The following SEMA5A variants were observed in gnomAD, a reference collection of about 807,000 sequenced individuals.
SEMA5A encodes semaphorin 5A, also known as semaphorin-5A.
A neutral mutation model predicts 135.5 loss-of-function variants in SEMA5A; 55 were observed. That is an observed-to-expected ratio of 0.41 (90% CI 0.33 to 0.51). The LOEUF (loss-of-function observed/expected upper bound fraction) is 0.51. Ranked by LOEUF, SEMA5A falls within the 20% of genes least tolerant of loss-of-function variation. SEMA5A has a pLI of 0.37. For missense variants in SEMA5A, 1,290 were observed against 1,419.9 expected, an observed-to-expected ratio of 0.91 and a Z score of 1.47; for synonymous variants, 580 against 546.5, an observed-to-expected ratio of 1.06 and a Z score of -0.85.
intron 8 of SEMA5A, among the ~76,000 whole-genome samples, chr5:9,217,386 T>C (rs1031859876): frequency 6.6e-6 from 1 of 152,222 alleles, no homozygotes; most frequent in African/African-American, 2.4e-5. Flanking sequence ...GTTCCATTTG[T>C]AGGTGACCTG....
intron 1 of SEMA5A, among the ~76,000 whole-genome samples, chr5:9,468,063 A>G (rs1176343953): frequency 6.6e-6 from 1 of 152,120 alleles, no homozygotes; most frequent in Non-Finnish European, 1.5e-5. Context: ...CGTTACTCAC[A>G]TCTTGGTAAC....
At chr5:9,086,696 C>T (rs1475682422) in intron 16 of SEMA5A, among the ~76,000 whole-genome samples, 1 of 152,196 alleles carries the variant, frequency 6.6e-6, no homozygotes, top group African/African-American at 2.4e-5. Flanking sequence ...TCCCAATCTG[C>T]AAGCAGAATA....
At chr5:9,088,244 C>T (rs1356999609) in intron 16 of SEMA5A, among the ~76,000 whole-genome samples, 1 of 144,430 alleles carries the variant, frequency 6.9e-6, no homozygotes, top group Non-Finnish European at 1.5e-5. Context: ...GCAGAGGTTG[C>T]AGTGAGCTGA....
intron 1 of SEMA5A, among the ~76,000 whole-genome samples, chr5:9,525,669 C>A (rs1000350646): frequency 6.6e-6 from 1 of 152,174 alleles, no homozygotes; most frequent in African/African-American, 2.4e-5. Flanking sequence ...CCTCAAAATG[C>A]CCCCATTTGG....
chr5:9,357,318 G>T (rs913653271), intron 3 of SEMA5A, among the ~76,000 whole-genome samples: 2 of 152,162 alleles, frequency 1.3e-5, no homozygotes, highest in Non-Finnish European at 2.9e-5. Context: ...TTAGGAATAT[G>T]AAAGGGGAAA....
At position 9,484,653 on chromosome 5, in the gene SEMA5A, A is replaced by G. The variant is rs555947190; in HGVS notation, c.-174-46801T>C. Among the ~76,000 whole-genome samples, 24 of 152,314 alleles carry G rather than the reference A, an allele frequency of 1.6e-4. No homozygotes were observed. In the South Asian group the frequency reaches 5.0e-3, roughly 32 times the overall value. On this transcript the variant is annotated intron_variant, in intron 1 of 22. Transcript: ENST00000382496. Reference sequence around the variant, plus strand: ...ATAAATGCCATCACAGTTAAATGTTATTTGGATTGTTCATATGCTTAACAT... The same window carrying G: ...ATAAATGCCATCACAGTTAAATGTTGTTTGGATTGTTCATATGCTTAACAT...
At chr5:9,075,378 GTTC>G (rs1425014898) in intron 16 of SEMA5A, among the ~76,000 whole-genome samples, 4 of 151,378 alleles carry the variant, frequency 2.6e-5, no homozygotes, top group Non-Finnish European at 4.4e-5. Context: ...GTACCTGAAT[GTTC>G]ACAAAAGCTT....
intron 1 of SEMA5A, among the ~76,000 whole-genome samples, chr5:9,514,563 C>A (rs559265974): frequency 6.6e-6 from 1 of 152,290 alleles, no homozygotes; most frequent in African/African-American, 2.4e-5. Flanking sequence ...CTATGCATAT[C>A]CTCCCATGTA....
At chr5:9,305,707 C>CGTGTATATATATATATATATATATAT (rs1315889411) in intron 5 of SEMA5A, among the ~76,000 whole-genome samples, 1 of 42,852 alleles carries the variant, frequency 2.3e-5, no homozygotes, top group African/African-American at 5.1e-5. Context: ...TGTGTGTGTG[C>CGTGTATATATATATATATATATATAT]GTATATATAT....
At chr5:9,104,970 CCA>C (rs1197229834) in intron 16 of SEMA5A, among the ~76,000 whole-genome samples, 1 of 152,182 alleles carries the variant, frequency 6.6e-6, no homozygotes, top group Non-Finnish European at 1.5e-5. Flanking sequence ...GCCCCAGGGT[CCA>C]GAGAAGGAAT....
At chr5:9,051,189 T>C (rs1736555781) in intron 20 of SEMA5A, among the ~76,000 whole-genome samples, 1 of 152,234 alleles carries the variant, frequency 6.6e-6, no homozygotes. Flanking sequence ...AAATAGTATC[T>C]TTTGCACAGA....
At chr5:9,052,990 T>C (rs1277563179) in intron 19 of SEMA5A, among the ~76,000 whole-genome samples, 3 of 152,214 alleles carry the variant, frequency 2.0e-5, no homozygotes, top group Admixed American at 6.5e-5. Context: ...TCCTTAGAAA[T>C]GCAGAAAGTG....
At chr5:9,056,760 C>T (rs918542231) in intron 18 of SEMA5A, among the ~76,000 whole-genome samples, 1 of 152,092 alleles carries the variant, frequency 6.6e-6, no homozygotes, top group African/African-American at 2.4e-5. Context: ...TAAGATCTAG[C>T]AATCCCAATC....
intron 11 of SEMA5A, among the ~76,000 whole-genome samples, chr5:9,183,256 C>T (rs1429188128): frequency 2.0e-5 from 3 of 152,170 alleles, no homozygotes; most frequent in Non-Finnish European, 4.4e-5. Flanking sequence ...GAAGCCTGCC[C>T]TTGGACAGCC....
chr5:9,405,755 G>A (rs746339750), intron 2 of SEMA5A, among the ~76,000 whole-genome samples: 5 of 152,098 alleles, frequency 3.3e-5, no homozygotes, highest in African/African-American at 4.8e-5. Context: ...TTAAATGGAG[G>A]GACTTCGAAT....
At chr5:9,426,593 C>T (rs1421758643) in intron 2 of SEMA5A, among the ~76,000 whole-genome samples, 1 of 151,974 alleles carries the variant, frequency 6.6e-6, no homozygotes, top group Non-Finnish European at 1.5e-5. Flanking sequence ...TGGAGGTGAC[C>T]CAGGATTAGC....
intron 5 of SEMA5A, among the ~76,000 whole-genome samples, chr5:9,238,808 T>C (rs1238466173): frequency 6.6e-6 from 1 of 152,098 alleles, no homozygotes; most frequent in Non-Finnish European, 1.5e-5. Context: ...TCTATTTTAC[T>C]ATTAAAATTG....
chr5:9,212,029 G>T (rs1806041), intron 8 of SEMA5A, among the ~76,000 whole-genome samples: 4,476 of 152,222 alleles, frequency 0.029, 235 homozygotes, highest in African/African-American at 0.1. Context: ...AAAGCCAGCT[G>T]GTCTCTGAGT....
intron 11 of SEMA5A, among the ~76,000 whole-genome samples, chr5:9,178,331 C>CTTTTTTT (rs5865809): frequency 8.1e-5 from 10 of 123,600 alleles, no homozygotes; most frequent in African/African-American, 9.1e-5. Context: ...TTTTTCTCTC[C>CTTTTTTT]TTTTTTTTTT....
Sources: allele counts gnomAD v4.1 joint callset (sites outside exome capture counted in the v4.1 genomes callset), GRCh38; gene constraint gnomAD v4.1.1; transcripts MANE v1.5; gene names NCBI Gene and HGNC (gene_info 2026-07-23, HGNC 2026-07-21).